ITGBL1: variants seen among roughly 807,000 people sequenced by gnomAD.
ITGBL1 encodes the protein integrin beta-like protein 1.
In ITGBL1, 51 loss-of-function variants were observed where a neutral mutation model predicts 68.5. That is an observed-to-expected ratio of 0.74 (90% CI 0.59 to 0.94). The LOEUF (loss-of-function observed/expected upper bound fraction) is 0.94. Ranked by LOEUF, ITGBL1 falls within the 40% of genes least tolerant of loss-of-function variation. The probability of loss-of-function intolerance (pLI) is 0.00; values close to 1 mark genes in which losing one functional copy is unlikely to be tolerated. For synonymous variants in ITGBL1, 209 were observed against 227.3 expected (o/e 0.92, Z 0.72); for missense variants, 649 against 647.4 (o/e 1.00, Z -0.03).
chr13:101,543,905 G>A (rs950554696), intron 2 of ITGBL1, among the ~76,000 whole-genome samples: 7 of 152,072 alleles, frequency 4.6e-5, no homozygotes, highest in African/African-American at 9.6e-5. Flanking sequence ...CAGCTCCATC[G>A]GGTCCTTTAA....
intron 9 of ITGBL1, 46 bp from the exon 10 acceptor site, chr13:101,714,392 C>T (rs2281990): frequency 0.19 from 200,352 of 1,066,618 alleles, 20,155 homozygotes; most frequent in Non-Finnish European, 0.21. Context: ...GAGATGGAAA[C>T]CTTTAGTTAT....
intron 2 of ITGBL1, among the ~76,000 whole-genome samples, chr13:101,502,703 C>A (rs565986470): frequency 8.9e-4 from 135 of 152,226 alleles, no homozygotes; most frequent in African/African-American, 3.0e-3. Context: ...TATGAGTAAA[C>A]CACAGTCTTT....
intron 7 of ITGBL1, among the ~76,000 whole-genome samples, chr13:101,649,042 T>C (rs546119761): frequency 3.2e-4 from 48 of 152,220 alleles, no homozygotes; most frequent in African/African-American, 1.1e-3. Context: ...GAGCCATAAT[T>C]AAAATTATGA....
intron 3 of ITGBL1, among the ~76,000 whole-genome samples, chr13:101,569,722 G>A (rs574625086): frequency 3.9e-5 from 6 of 152,128 alleles, no homozygotes; most frequent in East Asian, 1.9e-4. Context: ...TGTCTCCCCC[G>A]CCATGATTAG....
chr13:101,614,216 C>A (rs1249072994), intron 7 of ITGBL1, among the ~76,000 whole-genome samples: 1 of 152,058 alleles, frequency 6.6e-6, no homozygotes, highest in African/African-American at 2.4e-5. Flanking sequence ...GTCAAAGAGT[C>A]CAGAAAAGGG....
At chr13:101,503,828 T>C (rs2048982694) in intron 2 of ITGBL1, among the ~76,000 whole-genome samples, 1 of 152,184 alleles carries the variant, frequency 6.6e-6, no homozygotes, top group African/African-American at 2.4e-5. Context: ...CTGTTAAAGA[T>C]GATGATGTTT....
At chr13:101,464,529 C>CTATA (rs1179420854) in intron 2 of ITGBL1, among the ~76,000 whole-genome samples, 2 of 151,328 alleles carry the variant, frequency 1.3e-5, no homozygotes, top group Non-Finnish European at 2.9e-5. Flanking sequence ...CTCTCTCTCT[C>CTATA]TCTATATATA....
chr13:101,490,507 C>T (rs907417640), intron 2 of ITGBL1, among the ~76,000 whole-genome samples: 7 of 152,198 alleles, frequency 4.6e-5, no homozygotes, highest in Non-Finnish European at 1.0e-4. Context: ...TAAAATAATA[C>T]TACTAACAGG....
chr13:101,523,748 C>G (rs192924237), intron 2 of ITGBL1, among the ~76,000 whole-genome samples: 2 of 152,082 alleles, frequency 1.3e-5, no homozygotes, highest in African/African-American at 4.8e-5. Flanking sequence ...GTTGTGACTG[C>G]AGAAAAAAAA....
At chr13:101,708,242 T>A (rs2139590857) in intron 9 of ITGBL1, among the ~76,000 whole-genome samples, 1 of 152,302 alleles carries the variant, frequency 6.6e-6, no homozygotes, top group East Asian at 1.9e-4. Context: ...TGCTAGTGAC[T>A]AGGAAGACAC....
chr13:101,600,846 T>C (rs968678141), intron 7 of ITGBL1, among the ~76,000 whole-genome samples: 11 of 152,202 alleles, frequency 7.2e-5, no homozygotes, highest in African/African-American at 2.4e-4. Context: ...TTGCCAGTAT[T>C]TGATTGAGGA....
chr13:101,516,565 A>G (rs2049198698), intron 2 of ITGBL1, among the ~76,000 whole-genome samples: 1 of 152,176 alleles, frequency 6.6e-6, no homozygotes, highest in Non-Finnish European at 1.5e-5. Flanking sequence ...CAAGCAAAAG[A>G]AAAGGTAGAA....
chr13:101,608,027 A>G (rs948238963), intron 7 of ITGBL1, among the ~76,000 whole-genome samples: 1 of 152,054 alleles, frequency 6.6e-6, no homozygotes, highest in Non-Finnish European at 1.5e-5. Flanking sequence ...GCGGTATTGC[A>G]TATGTTTTAG....
chr13:101,470,912 C>A (rs1164394866), intron 2 of ITGBL1, among the ~76,000 whole-genome samples: 1 of 152,102 alleles, frequency 6.6e-6, no homozygotes. Context: ...AAACAAATAT[C>A]ATCTTACCAT....
At chr13:101,527,105 A>G (rs1038754148) in intron 2 of ITGBL1, among the ~76,000 whole-genome samples, 6 of 152,134 alleles carry the variant, frequency 3.9e-5, no homozygotes, top group African/African-American at 7.2e-5. Context: ...CTATTAAGAT[A>G]AAATTTGACT....
intron 7 of ITGBL1, among the ~76,000 whole-genome samples, chr13:101,603,795 A>C (rs1427493935): frequency 6.6e-6 from 1 of 151,934 alleles, no homozygotes; most frequent in Non-Finnish European, 1.5e-5. Flanking sequence ...TCATCTCAAA[A>C]ATAGATTTTT....
intron 2 of ITGBL1, among the ~76,000 whole-genome samples, chr13:101,558,548 A>T (rs1043154987): frequency 2.0e-5 from 3 of 152,200 alleles, no homozygotes; most frequent in African/African-American, 7.2e-5. Flanking sequence ...TCTGTCATCA[A>T]ATCTAGTGGT....
intron 3 of ITGBL1, among the ~76,000 whole-genome samples, chr13:101,574,184 A>C (rs948713272): frequency 1.3e-5 from 2 of 152,290 alleles, no homozygotes; most frequent in East Asian, 3.9e-4. Flanking sequence ...GAAATCTTTA[A>C]CATGACCTAT....
At chr13:101,506,235 G>A (rs2049024892) in intron 2 of ITGBL1, among the ~76,000 whole-genome samples, 2 of 152,266 alleles carry the variant, frequency 1.3e-5, no homozygotes, top group Admixed American at 6.5e-5. Flanking sequence ...TTTGATTTAG[G>A]ACAAAAGACC....
Sources: gnomAD v4.1 joint callset for allele counts (sites outside exome capture counted in the v4.1 genomes callset) on GRCh38, gnomAD v4.1.1 for gene constraint, MANE v1.5 for transcripts, NCBI Gene and HGNC (gene_info 2026-07-23, HGNC 2026-07-21) for gene names.